Variants in CNOT1 observed in about 807,000 individuals in gnomAD.
The protein encoded by CNOT1 is CCR4-NOT transcription complex subunit 1, also known as CCR4-associated factor 1.
Under a neutral mutation model 273.8 loss-of-function variants are expected in CNOT1, and 15 were observed. The ratio of observed to expected loss-of-function variants is 0.05; its 90% CI spans 0.04 to 0.08. The LOEUF (loss-of-function observed/expected upper bound fraction) is 0.08. Among genes scored for constraint, CNOT1 ranks in the 10% least tolerant of loss-of-function variants. The pLI, the probability that CNOT1 is intolerant of heterozygous loss-of-function variation, is 1.00. For missense variants in CNOT1, 1,644 were observed against 2,912.2 expected, an observed-to-expected ratio of 0.56 and a Z score of 10.02; for synonymous variants, 1,022 against 1,005.5, an observed-to-expected ratio of 1.02 and a Z score of -0.31.
chr16:58,538,918 T>C lies in CNOT1; in HGVS notation c.4993-4A>G. The C allele has an allele frequency of 6.2e-7, 1 of 1,608,760 alleles. No homozygotes were observed. The highest frequency in any genetic ancestry group is 8.5e-7 in the Non-Finnish European group (1 of 1,178,562). Reference sequence around the variant, plus strand: ...CATCTAGTAAGCCCTCTACAGCCTATGGGAGAAAGAAAGCGTTCAAAACCA... The same window carrying C: ...CATCTAGTAAGCCCTCTACAGCCTACGGGAGAAAGAAAGCGTTCAAAACCA... On this transcript the variant is annotated splice_polypyrimidine_tract_variant and splice_region_variant and intron_variant, in intron 35 of 48. Coordinates refer to ENST00000317147, the MANE Select transcript of CNOT1 (RefSeq NM_016284.5).
At chr16:58,522,237 C>CAAAAAAAAAAAAAAAAAAA (rs56149974) in intron 47 of CNOT1, among the ~76,000 whole-genome samples, 1 of 98,556 alleles carries the variant, frequency 1.0e-5, no homozygotes, top group African/African-American at 4.2e-5. Context: ...GAGACTGTCT[C>CAAAAAAAAAAAAAAAAAAA]AAAAAAAAAA....
chr16:58,535,525 C>T (rs1164429749), intron 39 of CNOT1, among the ~76,000 whole-genome samples: 2 of 152,192 alleles, frequency 1.3e-5, no homozygotes, highest in Non-Finnish European at 2.9e-5. Flanking sequence ...AGACAGGTGC[C>T]ACATCCATAC....
rs184545000 is a variant in CNOT1, at chr16:58,575,408, A to G, written c.1705-279T>C. Reference sequence around the variant, plus strand: ...CTAAACCTAGAGCAGAACAAGACTCAAAGCATGAATAATTATCCCTACCCA... The same window carrying G: ...CTAAACCTAGAGCAGAACAAGACTCGAAGCATGAATAATTATCCCTACCCA... On this transcript the variant is annotated intron_variant, in intron 14 of 48. Coordinates refer to ENST00000317147, the MANE Select transcript of CNOT1 (RefSeq NM_016284.5). 3.0e-4 allele frequency among the ~76,000 whole-genome samples: 45 copies of G among 152,320 alleles called. No homozygotes were observed. The East Asian group carries it at 8.7e-3, about 29-fold the overall frequency.
chr16:58,524,605 GT>G (rs2039523514), intron 46 of CNOT1, among the ~76,000 whole-genome samples: 1 of 152,066 alleles, frequency 6.6e-6, no homozygotes, highest in South Asian at 2.1e-4. Flanking sequence ...AAAGAGTAGT[GT>G]CCCCCTAAAA....
intron 1 of CNOT1, among the ~76,000 whole-genome samples, chr16:58,618,574 C>T (rs558407263): frequency 3.3e-5 from 5 of 151,548 alleles, no homozygotes; most frequent in Middle Eastern, 3.4e-3. Flanking sequence ...CAGGGCGAGA[C>T]TCCATTTCAA....
At chr16:58,619,527 A>G (rs2043227852) in intron 1 of CNOT1, among the ~76,000 whole-genome samples, 1 of 151,854 alleles carries the variant, frequency 6.6e-6, no homozygotes, top group Non-Finnish European at 1.5e-5. Flanking sequence ...TCCCAGGTTC[A>G]AGCAATTCTC....
chr16:58,610,069 T>C (rs912546498), intron 1 of CNOT1, among the ~76,000 whole-genome samples: 1 of 152,196 alleles, frequency 6.6e-6, no homozygotes. Flanking sequence ...TATAACACTA[T>C]GCAACTAAGG....
chr16:58,593,147 G>T (rs2042120269), intron 2 of CNOT1, among the ~76,000 whole-genome samples: 1 of 152,172 alleles, frequency 6.6e-6, no homozygotes, highest in Admixed American at 6.5e-5. Flanking sequence ...TTTCGGCCAG[G>T]CGCGGTGGCT....
chr16:58,556,672 C>A (rs1399156807), intron 19 of CNOT1, among the ~76,000 whole-genome samples, 175 bp downstream of exon 19: 1 of 152,192 alleles, frequency 6.6e-6, no homozygotes, highest in East Asian at 1.9e-4. Context: ...TTATTAACCA[C>A]GACTTTGTTC....
rs759655376 is a variant in CNOT1, at chr16:58,587,386, C to T, written c.337G>A (p.Ala113Thr). The T allele has an allele frequency of 1.2e-6, 2 of 1,613,706 alleles. No individual in the cohort carries two copies. Among genetic ancestry groups the T allele is most frequent in the African/African-American group, 2.7e-5 (2 of 74,890 alleles). The change falls in exon 5 of 49, where the codon GCC becomes ACC. Residue 113 changes from alanine (A) to threonine (T), a missense_variant. By Grantham distance (58) the Ala-to-Thr change is moderately conservative. Coordinates refer to ENST00000317147, the MANE Select transcript of CNOT1 (RefSeq NM_016284.5). ...KSLKPAPHLF[A>T]QLSKVLKLSK... ...AATTTGAGCACTTTACTCAGCTGGGCAAATAAGTGGGGTGCAGGCTTTAAA... is the reference window on the plus strand; with the variant it reads ...AATTTGAGCACTTTACTCAGCTGGGTAAATAAGTGGGGTGCAGGCTTTAAA...
intron 44 of CNOT1, 78 bp from the exon 45 acceptor site, chr16:58,526,216 C>T: frequency 6.6e-7 from 1 of 1,517,246 alleles, no homozygotes; most frequent in East Asian, 2.3e-5. Context: ...AGTGGTGGGA[C>T]TGTTTTTCTA....
chr16:58,521,058 A>G, intron 48 of CNOT1, 22 bp from the exon 49 acceptor site: 1 of 1,614,148 alleles, frequency 6.2e-7, no homozygotes, highest in Non-Finnish European at 8.5e-7. Context: ...AGACAGTTAC[A>G]AATCTCTGAT....
At chr16:58,576,238 G>C (rs1468834261) in intron 14 of CNOT1, among the ~76,000 whole-genome samples, 1 of 151,900 alleles carries the variant, frequency 6.6e-6, no homozygotes, top group Non-Finnish European at 1.5e-5. Context: ...AGCCTCCTGA[G>C]TAGCTGGGAT....
rs2039340892 is a variant in CNOT1 at position 58,520,786 on chromosome 16, T to C, written c.*172A>G. ...GAGTCAAAAAAATGCATTTAAACTTTGGAACGTGCCCACATAAGACAGGAG... is the reference window on the plus strand; with the variant it reads ...GAGTCAAAAAAATGCATTTAAACTTCGGAACGTGCCCACATAAGACAGGAG... On this transcript the variant is annotated 3_prime_UTR_variant, in exon 49 of 49. Coordinates refer to ENST00000317147, the MANE Select transcript of CNOT1 (RefSeq NM_016284.5). 1.6e-6 allele frequency: 1 copy of C among 639,474 alleles called. No individual in the cohort carries two copies. Among genetic ancestry groups the C allele is most frequent in the South Asian group, 2.1e-5 (1 of 47,152 alleles). 39.6% of individuals were successfully genotyped at this position (639,474 alleles called of 1,614,324 possible).
At chr16:58,593,510 G>T (rs1449666774) in intron 2 of CNOT1, among the ~76,000 whole-genome samples, 1 of 151,086 alleles carries the variant, frequency 6.6e-6, no homozygotes, top group Non-Finnish European at 1.5e-5. Context: ...AGCGAGCGGA[G>T]ATCGTGCCAT....
At chr16:58,558,421 T>C in intron 18 of CNOT1, 52 bp downstream of exon 18, 1 of 1,607,352 alleles carries the variant, frequency 6.2e-7, no homozygotes, top group Non-Finnish European at 8.5e-7. Context: ...CACTAAGGCA[T>C]AACTAAGGCA....
intron 1 of CNOT1, among the ~76,000 whole-genome samples, chr16:58,627,196 TAA>T (rs987082287): frequency 1.3e-5 from 2 of 151,832 alleles, no homozygotes; most frequent in Non-Finnish European, 1.5e-5. Flanking sequence ...ATCATGAAGT[TAA>T]GAGTTCGAGA....
chr16:58,526,138 C>A lies in CNOT1; in HGVS notation c.6454G>T (p.Val2152Leu), dbSNP rs1009688047. Residue 2152 changes from valine (V) to leucine (L), a missense_variant and splice_region_variant, in exon 45 of 49, where the codon GTG becomes TTG. This residue lies in a region of CNOT1 where 140 missense variants were observed against 324.6 expected (regional missense o/e 0.43). Transcript: ENST00000317147. ...LPDPFTPNLK[V>L]DMLSEINIAP... ...ATGTTAATTTCACTCAACATGTCCA[C>A]CTGCCACAGATAAAATGCAAGAATC... 6.2e-7 allele frequency: 1 copy of A among 1,613,704 alleles called. No individual in the cohort carries two copies.
rs1472815301 is a variant in CNOT1 at position 58,574,757 on chromosome 16, G to A, written c.1831C>T (p.Pro611Ser). Residue 611 changes from proline to serine, a missense_variant, in exon 16 of 49, where the codon CCT (proline) becomes TCT (serine). By Grantham distance (74) the Pro-to-Ser change is moderately conservative (BLOSUM62 -1). Coordinates refer to ENST00000317147, the MANE Select transcript of CNOT1 (RefSeq NM_016284.5). ...LTDKIREHGEPFIQACMTFLK... is the reference protein window; with the variant it reads ...LTDKIREHGESFIQACMTFLK... Reference sequence around the variant, plus strand: ...AAAGTCATACACGCCTGGATAAAAGGCTCCTGAAGAATAGAAAAGTCTCTC... The same window carrying A: ...AAAGTCATACACGCCTGGATAAAAGACTCCTGAAGAATAGAAAAGTCTCTC... 2 of 1,588,654 alleles carry A rather than the reference G, an allele frequency of 1.3e-6. No homozygotes were observed. Among genetic ancestry groups the A allele is most frequent in the Non-Finnish European group, 1.7e-6 (2 of 1,174,608 alleles).
Sources: allele counts gnomAD v4.1 joint callset (sites outside exome capture counted in the v4.1 genomes callset), GRCh38; gene constraint gnomAD v4.1.1; regional missense constraint gnomAD v4.1.1; transcripts MANE v1.5; gene names NCBI Gene and HGNC (gene_info 2026-07-23, HGNC 2026-07-21).